Variants in MAP3K13 observed in about 807,000 individuals in gnomAD.
MAP3K13 encodes mitogen-activated protein kinase kinase kinase 13, also known as leucine zipper-bearing kinase.
MAP3K13 carries 52 observed loss-of-function variants against 104.0 expected under a neutral mutation model. The observed-to-expected ratio is 0.50, with a 90% confidence interval of 0.40 to 0.63. MAP3K13 has a LOEUF of 0.63. Among genes scored for constraint, MAP3K13 ranks in the 20% least tolerant of loss-of-function variants. MAP3K13 has a pLI of 0.00. For missense variants in MAP3K13, 914 were observed against 1,218.5 expected (o/e 0.75, Z 3.72); for synonymous variants, 394 against 442.2 (o/e 0.89, Z 1.37).
Position 185,450,844 on chromosome 3 carries a change from C to T in MAP3K13, c.1170-443C>T, listed in dbSNP as rs1008572551. On this transcript the variant is annotated intron_variant, in intron 6 of 13. Coordinates refer to ENST00000265026, the MANE Select transcript of MAP3K13 (RefSeq NM_004721.5). This position sits in a 1 kb window ranked among gnomAD's most constrained non-coding sequence, Gnocchi z 4.2. ...GTGGCTCACGCCTGTAATCCCAGCA[C>T]TTTAGGAGGCCGAGGCGGGCGTATC... 6.6e-5 allele frequency among the ~76,000 whole-genome samples: 10 copies of T among 152,292 alleles called. No homozygotes were observed. The East Asian group carries it at 1.9e-3, about 29-fold the overall frequency.
chr3:185,451,612 C>T, intron 7 of MAP3K13: 2 of 389,252 alleles, frequency 5.1e-6, no homozygotes, highest in East Asian at 9.3e-5. Flanking sequence ...CACGTGTTGG[C>T]CGGGTGCACT....
In MAP3K13 at chr3:185,482,833, AAAG is replaced by A. The variant is rs970816234; in HGVS notation, c.*380_*382del. 2 of 235,484 alleles carry A rather than the reference AAAG, an allele frequency of 8.5e-6. No homozygotes were observed. The highest frequency in any genetic ancestry group is 4.4e-5 in the African/African-American group (2 of 45,366). 14.6% of individuals were successfully genotyped at this position (235,484 alleles called of 1,614,324 possible). A position where few individuals can be genotyped will look rare whatever the true frequency, so the allele number is the denominator to read the frequency against. On this transcript the variant is annotated 3_prime_UTR_variant, in exon 14 of 14. Coordinates refer to ENST00000265026, the MANE Select transcript of MAP3K13 (RefSeq NM_004721.5). The surrounding 1 kb of genome is among the most constrained non-coding windows in gnomAD (Gnocchi z 4.5). ...TTGCAAAAAAAAAAAGAGATAAAAG[AAAG>A]AACAGAAAAAAAGAAATAAGTGGAA...
intron 7 of MAP3K13, among the ~76,000 whole-genome samples, chr3:185,460,636 G>A (rs1298467436): frequency 6.6e-6 from 1 of 152,180 alleles, no homozygotes; most frequent in African/African-American, 2.4e-5. Context: ...TTTTCCATGA[G>A]ATTCTAAGTA....
chr3:185,321,896 G>A (rs756907836), intron 2 of MAP3K13, among the ~76,000 whole-genome samples: 7 of 152,182 alleles, frequency 4.6e-5, no homozygotes, highest in South Asian at 2.1e-4. Context: ...GAGCCACCAC[G>A]CCCGGCCGTG....
intron 4 of MAP3K13, among the ~76,000 whole-genome samples, chr3:185,446,735 C>G (rs186006062): frequency 6.6e-6 from 1 of 152,228 alleles, no homozygotes; most frequent in East Asian, 1.9e-4. Context: ...GTAATGAATC[C>G]CAAACATCAT....
rs1230238415 is a variant in MAP3K13, at chr3:185,453,862, T to TGTG, written c.1278+2467_1278+2468insGTG. ...ATGATACATATATATGAGATATATA[T>TGTG]ATATGATACATATATATGAGATATA... On this transcript the variant is annotated intron_variant, in intron 7 of 13. Coordinates refer to ENST00000265026, the MANE Select transcript of MAP3K13 (RefSeq NM_004721.5). Among the ~76,000 whole-genome samples, 20 of 63,898 alleles carry TGTG rather than the reference T, an allele frequency of 3.1e-4. 5 individuals carry two copies. Among genetic ancestry groups the TGTG allele is most frequent in the Non-Finnish European group, 4.0e-4 (11 of 27,480 alleles). The allele number at this position is 63,898 out of a possible 152,430, so 41.9% of individuals were successfully genotyped here. A position where few individuals can be genotyped will look rare whatever the true frequency, so the allele number is the denominator to read the frequency against.
At chr3:185,427,257 A>G (rs1358847434) in intron 1 of MAP3K13, among the ~76,000 whole-genome samples, 1 of 151,758 alleles carries the variant, frequency 6.6e-6, no homozygotes, top group Non-Finnish European at 1.5e-5. Context: ...CCAGCTACTC[A>G]GGAGGCTGTG....
chr3:185,444,542 A>G (rs1715496163), intron 4 of MAP3K13, among the ~76,000 whole-genome samples: 1 of 152,144 alleles, frequency 6.6e-6, no homozygotes, highest in South Asian at 2.1e-4. Flanking sequence ...CCATAGGAAA[A>G]ATAAACACTG....
chr3:185,420,261 T>C (rs1028894124), intron 1 of MAP3K13, among the ~76,000 whole-genome samples: 9 of 152,154 alleles, frequency 5.9e-5, no homozygotes, highest in Non-Finnish European at 1.0e-4. Flanking sequence ...AGAGAGTAAG[T>C]AGGGATAAAG....
intron 1 of MAP3K13, among the ~76,000 whole-genome samples, chr3:185,413,820 T>TCAAAAAA (rs60153321): frequency 0.13 from 19,963 of 151,850 alleles, 1,622 homozygotes; most frequent in South Asian, 0.25. Context: ...AGATTCCACC[T>TCAAAAAA]CAAAAAACAA....
chr3:185,342,216 GC>G (rs1157170936), intron 2 of MAP3K13, among the ~76,000 whole-genome samples: 2 of 152,244 alleles, frequency 1.3e-5, no homozygotes, highest in East Asian at 3.9e-4. Context: ...CACCCATGCT[GC>G]TCCGAGATTC....
At chr3:185,376,354 G>A (rs988271442) in intron 1 of MAP3K13, among the ~76,000 whole-genome samples, 2 of 152,138 alleles carry the variant, frequency 1.3e-5, no homozygotes, top group African/African-American at 4.8e-5. Flanking sequence ...AGTGAGTTGA[G>A]CATAGTTTGT....
intron 1 of MAP3K13, among the ~76,000 whole-genome samples, chr3:185,420,637 G>T (rs1416686535): frequency 1.3e-5 from 2 of 152,130 alleles, no homozygotes; most frequent in Non-Finnish European, 1.5e-5. Flanking sequence ...AAATCTTGTA[G>T]CAATAATGCT....
Position 185,315,820 on chromosome 3 carries a change from T to C in MAP3K13, c.-86+30177T>C, listed in dbSNP as rs1234847105. Reference sequence around the variant, plus strand: ...AAGTGTTCAGAACAGTGGATTAATATATATTGCTATTATTATATTAATATT... The same window carrying C: ...AAGTGTTCAGAACAGTGGATTAATACATATTGCTATTATTATATTAATATT... On this transcript the variant is annotated intron_variant, in intron 2 of 14. Coordinates refer to the MAP3K13 transcript ENST00000424227. The surrounding 1 kb of genome is among the most constrained non-coding windows in gnomAD (Gnocchi z 4.3). Among the ~76,000 whole-genome samples the C allele has an allele frequency of 6.6e-6, 1 of 152,184 alleles. No homozygotes were observed. The highest frequency in any genetic ancestry group is 2.4e-5 in the African/African-American group (1 of 41,452).
intron 2 of MAP3K13, among the ~76,000 whole-genome samples, chr3:185,314,920 T>A (rs1209535233): frequency 6.6e-6 from 1 of 152,142 alleles, no homozygotes; most frequent in Admixed American, 6.5e-5. Context: ...GGATTACAAG[T>A]GTGAACCACC....
intron 2 of MAP3K13, among the ~76,000 whole-genome samples, chr3:185,306,607 T>C (rs1038333247): frequency 1.3e-5 from 2 of 152,212 alleles, no homozygotes; most frequent in African/African-American, 2.4e-5. Context: ...AAAGTTCCTT[T>C]GCACACTTTT....
intron 2 of MAP3K13, among the ~76,000 whole-genome samples, chr3:185,325,756 T>C (rs928625297): frequency 1.3e-5 from 2 of 152,174 alleles, no homozygotes; most frequent in Admixed American, 6.5e-5. Flanking sequence ...AACCTTCCCA[T>C]GGCATCTCAG....
upstream of MAP3K13, among the ~76,000 whole-genome samples, chr3:185,360,863 T>G (rs13084738): frequency 0.15 from 20,206 of 134,608 alleles, 1,786 homozygotes; most frequent in Non-Finnish European, 0.19. Flanking sequence ...AGTCTCACTC[T>G]GTCACCAGGC....
At chr3:185,478,657 G>C (rs528280685) in intron 12 of MAP3K13, among the ~76,000 whole-genome samples, 1 of 152,034 alleles carries the variant, frequency 6.6e-6, no homozygotes, top group South Asian at 2.1e-4. Flanking sequence ...TTGGGAGGCT[G>C]AATCAGGAGT....
Sources: gnomAD v4.1 joint callset for allele counts (sites outside exome capture counted in the v4.1 genomes callset) on GRCh38, gnomAD v4.1.1 for gene constraint, Gnocchi (gnomAD v3.1) non-coding constraint, MANE v1.5 for transcripts, NCBI Gene and HGNC (gene_info 2026-07-23, HGNC 2026-07-21) for gene names.